The following FTCDNL1 variants were observed in gnomAD, a reference collection of about 807,000 sequenced individuals.
The protein encoded by FTCDNL1 is formiminotransferase cyclodeaminase N-terminal like, also known as formiminotransferase N-terminal subdomain-containing protein.
A neutral mutation model predicts 5.9 loss-of-function variants in FTCDNL1; 11 were observed. The ratio of observed to expected loss-of-function variants is 1.87; its 90% confidence interval spans 1.18 to 3.10. FTCDNL1 has a LOEUF of 3.10. Ranked by LOEUF, FTCDNL1 falls within the 30% of genes most tolerant of loss-of-function variation. The pLI, the probability that FTCDNL1 is intolerant of heterozygous loss-of-function variation, is 0.00. For missense variants in FTCDNL1, 115 were observed against 65.5 expected (o/e 1.76, Z -2.61); for synonymous variants, 58 against 24.8 (o/e 2.34, Z -3.99).
the FTCDNL1 span, among the ~76,000 whole-genome samples, chr2:199,720,896 G>A: frequency 2.0e-5 from 3 of 151,950 alleles, no homozygotes; most frequent in South Asian, 4.2e-4. Flanking sequence ...TGTACTACAC[G>A]GTATAACAGC....
At chr2:199,698,593 A>C in the FTCDNL1 span, among the ~76,000 whole-genome samples, 1 of 152,214 alleles carries the variant, frequency 6.6e-6, no homozygotes, top group Non-Finnish European at 1.5e-5. Context: ...ACAAAGATGC[A>C]ACATACCAGA....
At chr2:199,773,878 T>G (rs2106297945) in intron 3 of FTCDNL1, among the ~76,000 whole-genome samples, 1 of 152,304 alleles carries the variant, frequency 6.6e-6, no homozygotes, top group Admixed American at 6.5e-5. Flanking sequence ...TCATCCCTGT[T>G]GTAGTGAGGG....
chr2:199,734,196 G>C, the FTCDNL1 span, among the ~76,000 whole-genome samples: 5 of 152,172 alleles, frequency 3.3e-5, no homozygotes, highest in Non-Finnish European at 7.3e-5. Flanking sequence ...CAGAATTTCT[G>C]ACTCTGAGCC....
At chr2:199,845,037 C>T (rs912407429) in intron 3 of FTCDNL1, among the ~76,000 whole-genome samples, 1 of 152,054 alleles carries the variant, frequency 6.6e-6, no homozygotes, top group Non-Finnish European at 1.5e-5. Context: ...AGGCATGAGC[C>T]ACTGTGCCCA....
chr2:199,843,423 A>T (rs1050816146), intron 3 of FTCDNL1, among the ~76,000 whole-genome samples: 2 of 152,202 alleles, frequency 1.3e-5, no homozygotes, highest in Non-Finnish European at 2.9e-5. Context: ...TGTGTGGAAC[A>T]TATTTCCCCA....
intron 3 of FTCDNL1, among the ~76,000 whole-genome samples, chr2:199,827,226 A>C (rs1211144861): frequency 6.6e-6 from 1 of 152,218 alleles, no homozygotes; most frequent in Non-Finnish European, 1.5e-5. Flanking sequence ...GACACAAATT[A>C]AATGACACCA....
chr2:199,760,526 T>C (rs1218396251), downstream of FTCDNL1: 1 of 393,242 alleles, frequency 2.5e-6, no homozygotes, highest in Non-Finnish European at 4.7e-6. Flanking sequence ...AGTCCAATTT[T>C]ATAAACAAAT....
chr2:199,840,312 G>A (rs1300030777), intron 3 of FTCDNL1, among the ~76,000 whole-genome samples: 1 of 152,184 alleles, frequency 6.6e-6, no homozygotes, highest in Admixed American at 6.5e-5. Flanking sequence ...AAAGTATAAA[G>A]TTATGCAGAA....
the FTCDNL1 span, among the ~76,000 whole-genome samples, chr2:199,703,176 G>A: frequency 6.6e-6 from 1 of 151,930 alleles, no homozygotes; most frequent in Non-Finnish European, 1.5e-5. Flanking sequence ...TTTAGCATTA[G>A]GTATATCTCC....
At chr2:199,697,508 G>T in the FTCDNL1 span, among the ~76,000 whole-genome samples, 21 of 152,090 alleles carry the variant, frequency 1.4e-4, no homozygotes, top group African/African-American at 4.6e-4. Context: ...TTCCAGCCAA[G>T]AATTTCATAT....
the FTCDNL1 span, among the ~76,000 whole-genome samples, chr2:199,719,072 T>C: frequency 1.3e-5 from 2 of 152,130 alleles, no homozygotes; most frequent in Non-Finnish European, 2.9e-5. Context: ...TCTATTTTTG[T>C]TTTTGTTGCA....
chr2:199,844,395 C>A, intron 3 of FTCDNL1: 2 of 598,402 alleles, frequency 3.3e-6, no homozygotes, highest in Non-Finnish European at 3.1e-6. Flanking sequence ...GCCACCACTC[C>A]ACACTATTCC....
At chr2:199,795,052 C>G (rs1700106648) in intron 3 of FTCDNL1, among the ~76,000 whole-genome samples, 1 of 152,166 alleles carries the variant, frequency 6.6e-6, no homozygotes, top group Admixed American at 6.5e-5. Flanking sequence ...GAGAAAGTCA[C>G]TTAACTTCAG....
chr2:199,664,141 T>C, the FTCDNL1 span, among the ~76,000 whole-genome samples: 6 of 152,092 alleles, frequency 3.9e-5, no homozygotes, highest in Admixed American at 3.3e-4. Flanking sequence ...TTTAAAAATA[T>C]ATAATCAATA....
At chr2:199,687,594 G>T in the FTCDNL1 span, among the ~76,000 whole-genome samples, 1 of 152,156 alleles carries the variant, frequency 6.6e-6, no homozygotes, top group Non-Finnish European at 1.5e-5. Flanking sequence ...GGAGGTAGAA[G>T]TTGTAAGTGC....
At position 199,809,289 on chromosome 2, in the gene FTCDNL1, C is replaced by T. The variant is rs187411532; in HGVS notation, c.*3416G>A. ...TTTTTTTCTAATAGAGATAGTCTCACTACATTGACCAAGCTGGTCTCAAAC... is the reference window on the plus strand; with the variant it reads ...TTTTTTTCTAATAGAGATAGTCTCATTACATTGACCAAGCTGGTCTCAAAC... On this transcript the variant is annotated 3_prime_UTR_variant, in exon 5 of 5. Coordinates refer to ENST00000420128, the MANE Select transcript of FTCDNL1 (RefSeq NM_001363886.2). 1.1e-4 allele frequency among the ~76,000 whole-genome samples: 17 copies of T among 149,956 alleles called. No homozygotes were observed. The highest frequency in any genetic ancestry group is 1.1e-3 in the Admixed American group (17 of 15,002).
intron 3 of FTCDNL1, among the ~76,000 whole-genome samples, chr2:199,802,225 C>T (rs1006534465): frequency 3.3e-5 from 5 of 152,054 alleles, no homozygotes; most frequent in Non-Finnish European, 5.9e-5. Flanking sequence ...AACATATTAC[C>T]CAGGACTTAC....
intron 3 of FTCDNL1, among the ~76,000 whole-genome samples, chr2:199,827,511 C>A (rs913574127): frequency 6.6e-6 from 1 of 151,922 alleles, no homozygotes; most frequent in African/African-American, 2.4e-5. Context: ...GTGATGGTGG[C>A]ATTACAGTTA....
intron 3 of FTCDNL1, among the ~76,000 whole-genome samples, chr2:199,825,138 A>AG (rs1342380307): frequency 1.7e-5 from 2 of 117,610 alleles, no homozygotes; most frequent in Non-Finnish European, 4.1e-5. Flanking sequence ...ACCCTGTCTC[A>AG]AAAAAAAAAA....
Sources: gnomAD v4.1 joint callset for allele counts (sites outside exome capture counted in the v4.1 genomes callset) on GRCh38, gnomAD v4.1.1 for gene constraint, MANE v1.5 for transcripts, NCBI Gene and HGNC (gene_info 2026-07-23, HGNC 2026-07-21) for gene names.